Variants in AFF1 observed in about 807,000 individuals in gnomAD.
AFF1 encodes the protein AF4/FMR2 family member 1.
In AFF1, 48 loss-of-function variants were observed where a neutral mutation model predicts 121.7. The observed-to-expected ratio is 0.39, with a 90% CI of 0.31 to 0.50. AFF1 has a LOEUF of 0.50. Ranked by LOEUF, AFF1 falls within the 20% of genes least tolerant of loss-of-function variation. The pLI is 0.76. For missense variants in AFF1, 1,523 were observed against 1,511.7 expected, an observed-to-expected ratio of 1.01 and a Z score of -0.12; for synonymous variants, 613 against 563.0, an observed-to-expected ratio of 1.09 and a Z score of -1.26.
chr4:86,975,245 T>G (rs1296455412), intron 2 of AFF1, among the ~76,000 whole-genome samples: 1 of 151,968 alleles, frequency 6.6e-6, no homozygotes, highest in African/African-American at 2.4e-5. Context: ...CACCTTAACC[T>G]CTTTTTTTGT....
rs371127319 is a variant in AFF1 at position 86,949,549 on chromosome 4, T to A, written c.38+978T>A. ...TATTATTATTATTATTTTTTTTTTT[T>A]TTTTTTTCCCGACTGGGGCAGGCGG... On this transcript the variant is annotated intron_variant, in intron 2 of 20. Transcript: ENST00000395146. 7.1e-4 allele frequency: 376 copies of A among 529,908 alleles called. 7 individuals are homozygous for A. Among genetic ancestry groups the A allele is most frequent in the African/African-American group, 2.1e-3 (96 of 46,194 alleles). 32.8% of individuals were successfully genotyped at this position (529,908 alleles called of 1,614,324 possible).
At chr4:87,058,878 A>T (rs366327) in intron 4 of AFF1, among the ~76,000 whole-genome samples, 20,653 of 152,086 alleles carry the variant, frequency 0.14, 1,821 homozygotes, top group Middle Eastern at 0.21. Context: ...GGCAGGAGCC[A>T]CTAGTGGACT....
At chr4:87,122,396 A>C (rs1302903816) in intron 12 of AFF1, among the ~76,000 whole-genome samples, 3 of 152,036 alleles carry the variant, frequency 2.0e-5, no homozygotes, top group African/African-American at 7.2e-5. Context: ...AAGTGTTAGC[A>C]CTCTGAGTTG....
chr4:87,064,252 T>A (rs1721104049), intron 4 of AFF1, among the ~76,000 whole-genome samples: 1 of 152,180 alleles, frequency 6.6e-6, no homozygotes, highest in South Asian at 2.1e-4. Context: ...GGGTCACAAA[T>A]TTAGTAAGGA....
At chr4:87,134,195 T>C (rs1279082233) in intron 19 of AFF1, among the ~76,000 whole-genome samples, 1 of 152,154 alleles carries the variant, frequency 6.6e-6, no homozygotes, top group Non-Finnish European at 1.5e-5. Context: ...TACCTACATA[T>C]GCATACATTA....
intron 2 of AFF1, among the ~76,000 whole-genome samples, chr4:86,965,530 A>G (rs571770942): frequency 2.6e-5 from 4 of 152,294 alleles, no homozygotes; most frequent in Admixed American, 6.5e-5. Context: ...TTCTAAGTCT[A>G]TATCTAGGAA....
intron 2 of AFF1, among the ~76,000 whole-genome samples, chr4:86,964,600 A>G (rs1722403307): frequency 1.3e-5 from 2 of 151,244 alleles, no homozygotes; most frequent in South Asian, 4.2e-4. Context: ...ATGCCCGGCT[A>G]ATTTTGTATT....
At chr4:87,020,683 A>T in intron 2 of AFF1, 7 of 499,976 alleles carry the variant, frequency 1.4e-5, no homozygotes, top group Non-Finnish European at 1.8e-5. Flanking sequence ...ACAGGGTTTC[A>T]CTGTGTTAGC....
At chr4:86,984,427 A>G (rs1305000194) in intron 2 of AFF1, among the ~76,000 whole-genome samples, 2 of 151,444 alleles carry the variant, frequency 1.3e-5, no homozygotes, top group African/African-American at 4.9e-5. Flanking sequence ...CCTGGATTCA[A>G]GCAATTCTGC....
At chr4:87,040,090 C>T (rs181862142) in intron 2 of AFF1, among the ~76,000 whole-genome samples, 2 of 152,224 alleles carry the variant, frequency 1.3e-5, no homozygotes, top group Non-Finnish European at 2.9e-5. Flanking sequence ...CAGGGTTTCG[C>T]CATGTGGGCC....
intron 2 of AFF1, among the ~76,000 whole-genome samples, chr4:86,991,616 C>T (rs980504239): frequency 6.6e-6 from 1 of 152,094 alleles, no homozygotes; most frequent in Non-Finnish European, 1.5e-5. Context: ...ATAACTGTGG[C>T]TACTACCCTT....
In AFF1 at chr4:87,035,838, A is replaced by G. The variant is rs116630810; in HGVS notation, c.39-10328A>G. 8.8e-3 allele frequency among the ~76,000 whole-genome samples: 1,334 copies of G among 152,358 alleles called. 24 individuals are homozygous for G. Among genetic ancestry groups the G allele is most frequent in the African/African-American group, 0.031 (1,284 of 41,578 alleles). On this transcript the variant is annotated intron_variant, in intron 2 of 20. Transcript: ENST00000395146. The stretch of plus-strand genomic sequence containing the variant: ...AATGAATTAAAGGAAGAAAGCATTA[A>G]GAAAAAGACTTTAAGCTTGCTTGTC...
chr4:87,075,505 T>A (rs986055390), intron 4 of AFF1, among the ~76,000 whole-genome samples: 3 of 152,166 alleles, frequency 2.0e-5, no homozygotes, highest in African/African-American at 7.2e-5. Context: ...GGAGTATTAT[T>A]TCTTCATCTT....
At chr4:87,121,845 A>G (rs1025952963) in intron 12 of AFF1, among the ~76,000 whole-genome samples, 3 of 152,228 alleles carry the variant, frequency 2.0e-5, no homozygotes, top group Admixed American at 2.0e-4. Context: ...TGGCACAGCC[A>G]GAGCTATAAC....
chr4:87,131,210 A>C lies in AFF1; in HGVS notation c.3092A>C (p.Asp1031Ala). The C allele has an allele frequency of 6.2e-7, 1 of 1,614,150 alleles. No individual in the cohort carries two copies. Among genetic ancestry groups the C allele is most frequent in the Non-Finnish European group, 8.5e-7 (1 of 1,180,018 alleles). The change falls in exon 17 of 21, where the codon GAT (aspartate) becomes GCT (alanine). Residue 1031 changes from aspartate (D) to alanine (A), a missense_variant. Asp to Ala is a moderately radical substitution (Grantham distance 126). This residue lies in a region of AFF1 where 241 missense variants were observed against 265.2 expected (regional missense o/e 0.91). Transcript: ENST00000395146. ...SAYSVYSETV[D>A]LIKFIMSLKS... ...TACTCTGTCTACTCAGAAACTGTAG[A>C]TCTCATTAAGTAAGTGCCGAGTCAT...
intron 1 of AFF1, among the ~76,000 whole-genome samples, chr4:86,946,722 C>T (rs1452976788): frequency 3.9e-5 from 6 of 152,072 alleles, no homozygotes; most frequent in Non-Finnish European, 1.5e-5. Flanking sequence ...ACAGCAGATG[C>T]TCAGGATACA....
intron 4 of AFF1, among the ~76,000 whole-genome samples, chr4:87,078,800 TA>T (rs1722910665): frequency 2.0e-5 from 3 of 152,188 alleles, no homozygotes; most frequent in Admixed American, 2.0e-4. Context: ...TCTTAAAAAT[TA>T]AACTTTGGAT....
At chr4:87,099,724 C>G (rs981502527) in intron 8 of AFF1, among the ~76,000 whole-genome samples, 2 of 152,132 alleles carry the variant, frequency 1.3e-5, no homozygotes, top group Non-Finnish European at 2.9e-5. Context: ...ATGCTGTGTG[C>G]TTGGTGCTGC....
chr4:87,088,847 G>A (rs1336011271), intron 5 of AFF1, among the ~76,000 whole-genome samples: 2 of 151,928 alleles, frequency 1.3e-5, no homozygotes, highest in Non-Finnish European at 2.9e-5. Flanking sequence ...GCACGATCTC[G>A]GCTCACTGCA....
Sources: gnomAD v4.1 joint callset for allele counts (sites outside exome capture counted in the v4.1 genomes callset) on GRCh38, gnomAD v4.1.1 for gene constraint, gnomAD v4.1.1 regional missense constraint, MANE v1.5 for transcripts, NCBI Gene and HGNC (gene_info 2026-07-23, HGNC 2026-07-21) for gene names.